PRDM5: variants seen among roughly 807,000 people sequenced by gnomAD.
PRDM5 encodes PR/SET domain 5, also known as PR domain zinc finger protein 5.
A neutral mutation model predicts 81.2 loss-of-function variants in PRDM5; 56 were observed. The observed-to-expected ratio is 0.69, with a 90% CI of 0.56 to 0.86. The LOEUF is 0.86. Among genes scored for constraint, PRDM5 ranks in the 40% least tolerant of loss-of-function variants. The pLI is 0.00. For synonymous variants in PRDM5, 267 were observed against 256.4 expected (o/e 1.04, Z -0.39); for missense variants, 697 against 770.1 (o/e 0.91, Z 1.12).
chr4:120,863,338 T>C (rs1209338522), intron 2 of PRDM5, among the ~76,000 whole-genome samples: 1 of 151,640 alleles, frequency 6.6e-6, no homozygotes, highest in Non-Finnish European at 1.5e-5. Context: ...TCCCTTATGA[T>C]AGGGCTGTAC....
intron 10 of PRDM5, among the ~76,000 whole-genome samples, chr4:120,795,916 A>C (rs1751284062): frequency 6.6e-6 from 1 of 152,198 alleles, no homozygotes; most frequent in East Asian, 1.9e-4. Context: ...CTATTTCAAA[A>C]AATAAAAATA....
intron 13 of PRDM5, among the ~76,000 whole-genome samples, chr4:120,760,874 G>T (rs1415924211): frequency 6.6e-6 from 1 of 151,892 alleles, no homozygotes; most frequent in Admixed American, 6.6e-5. Context: ...ACAAGAAAAA[G>T]TTAAAGAAAA....
At chr4:120,714,874 GCAGAT>G (rs1737524079) in intron 14 of PRDM5, among the ~76,000 whole-genome samples, 1 of 152,118 alleles carries the variant, frequency 6.6e-6, no homozygotes, top group South Asian at 2.1e-4. Context: ...TTCTGGTGAG[GCAGAT>G]ATTGTAAGTC....
chr4:120,841,026 T>G (rs866977293), intron 3 of PRDM5, among the ~76,000 whole-genome samples: 1 of 152,342 alleles, frequency 6.6e-6, no homozygotes, highest in South Asian at 2.1e-4. Flanking sequence ...AACTTATTCC[T>G]CCTATCTTGC....
intron 14 of PRDM5, among the ~76,000 whole-genome samples, chr4:120,741,665 C>T (rs199757565): frequency 6.6e-6 from 1 of 152,034 alleles, no homozygotes; most frequent in Admixed American, 6.5e-5. Context: ...AAAGGGGTGA[C>T]GGACAGCACC....
chr4:120,869,046 AG>A (rs1761508077), intron 2 of PRDM5, among the ~76,000 whole-genome samples: 1 of 152,192 alleles, frequency 6.6e-6, no homozygotes, highest in Non-Finnish European at 1.5e-5. Context: ...TGCAGACAAA[AG>A]AATATACATA....
rs138617263 is a variant in PRDM5 at position 120,907,995 on chromosome 4, A to G, written c.94-438T>C. Among the ~76,000 whole-genome samples, 660 of 152,354 alleles carry G rather than the reference A, an allele frequency of 4.3e-3. 6 individuals carry two copies. The highest frequency in any genetic ancestry group is 0.016 in the African/African-American group (649 of 41,590). On this transcript the variant is annotated intron_variant, in intron 1 of 15. Transcript: ENST00000264808. ...TGGACAAGAAGGACGTGGGCTTGGCATTCTCAGAGGAAGAGTGTTCATAAA... is the reference window on the plus strand; with the variant it reads ...TGGACAAGAAGGACGTGGGCTTGGCGTTCTCAGAGGAAGAGTGTTCATAAA...
chr4:120,688,482 G>A (rs973360993), downstream of PRDM5, among the ~76,000 whole-genome samples: 6 of 152,056 alleles, frequency 3.9e-5, no homozygotes, highest in African/African-American at 1.4e-4. Context: ...TAAGTTTGAT[G>A]TAGTTCCATT....
At chr4:120,805,357 C>A (rs549450920) in intron 8 of PRDM5, among the ~76,000 whole-genome samples, 1 of 152,220 alleles carries the variant, frequency 6.6e-6, no homozygotes, top group South Asian at 2.1e-4. Context: ...TTTGTGAGGC[C>A]AGCATCATCC....
At chr4:120,794,214 G>A (rs1751008530) in intron 10 of PRDM5, among the ~76,000 whole-genome samples, 1 of 152,168 alleles carries the variant, frequency 6.6e-6, no homozygotes, top group African/African-American at 2.4e-5. Context: ...CTCTCCTGCA[G>A]CATCACTGAA....
intron 6 of PRDM5, 46 bp from the exon 7 acceptor site, chr4:120,816,620 A>G: frequency 6.2e-7 from 1 of 1,612,828 alleles, no homozygotes; most frequent in South Asian, 1.1e-5. Context: ...TGGTGAAGAC[A>G]TACCTACAAA....
intron 15 of PRDM5, among the ~76,000 whole-genome samples, chr4:120,705,058 T>G (rs942550533): frequency 6.6e-6 from 1 of 152,142 alleles, no homozygotes; most frequent in Non-Finnish European, 1.5e-5. Flanking sequence ...TAAAGGATTC[T>G]AAATAGAGAC....
In PRDM5 at chr4:120,760,748, C is replaced by CT. The variant is rs1327491496; in HGVS notation, c.1538-6111dup. Among the ~76,000 whole-genome samples, 538 of 144,114 alleles carry CT rather than the reference C, an allele frequency of 3.7e-3. 8 individuals are homozygous for CT. Among genetic ancestry groups the CT allele is most frequent in the East Asian group, 0.017 (86 of 4,942 alleles). 94.5% of individuals were successfully genotyped at this position (144,114 alleles called of 152,430 possible). A position where few individuals can be genotyped will look rare whatever the true frequency, so the allele number is the denominator to read the frequency against. On this transcript the variant is annotated intron_variant, in intron 13 of 15. Transcript: ENST00000264808. ...CTAATGTATTCATTCATTAAATAGA[C>CT]TTTTTTTTTTTTAGCACATACCATC...
chr4:120,883,823 C>T (rs1471970110), intron 2 of PRDM5, among the ~76,000 whole-genome samples: 1 of 152,078 alleles, frequency 6.6e-6, no homozygotes, highest in African/African-American at 2.4e-5. Flanking sequence ...TGAAACTTTG[C>T]ACAAGATATT....
Position 120,822,634 on chromosome 4 carries a change from G to T in PRDM5, c.301-1289C>A, listed in dbSNP as rs1465685878. ...AAATTGTACATACAGTTATTTTGAG[G>T]ATGGGAGAGGGGCTATATTCAACAT... On this transcript the variant is annotated intron_variant, in intron 3 of 15. Coordinates refer to ENST00000264808, the MANE Select transcript of PRDM5 (RefSeq NM_018699.4). 9.2e-5 allele frequency among the ~76,000 whole-genome samples: 14 copies of T among 152,172 alleles called. 1 individual carries two copies. Among genetic ancestry groups the T allele is most frequent in the Admixed American group, 9.2e-4 (14 of 15,284 alleles).
At chr4:120,781,379 T>C (rs532940119) in intron 11 of PRDM5, 76 bp from the exon 12 acceptor site, 6 of 1,355,336 alleles carry the variant, frequency 4.4e-6, no homozygotes, top group African/African-American at 1.4e-5. Context: ...CCAGACTTAG[T>C]TGCTTTCTCC....
At position 120,750,724 on chromosome 4, in the gene PRDM5, A is replaced by G. The variant is rs56658862; in HGVS notation, c.1623+3829T>C. On this transcript the variant is annotated intron_variant, in intron 14 of 15. Coordinates refer to ENST00000264808, the MANE Select transcript of PRDM5 (RefSeq NM_018699.4). The stretch of plus-strand genomic sequence containing the variant: ...CACACACACACACACACACACGCGC[A>G]CACAAAACAGACATTCAATCAAAAA... Among the ~76,000 whole-genome samples the G allele has an allele frequency of 8.9e-3, 1,316 of 147,064 alleles. 20 individuals are homozygous for G. The highest frequency in any genetic ancestry group is 0.032 in the African/African-American group (1,244 of 39,334).
At chr4:120,796,201 A>G (rs1751326211) in intron 10 of PRDM5, among the ~76,000 whole-genome samples, 1 of 152,162 alleles carries the variant, frequency 6.6e-6, no homozygotes, top group East Asian at 1.9e-4. Flanking sequence ...TTGTGATGGA[A>G]GAAAAGGTTG....
chr4:120,737,164 T>C (rs1393343171), intron 14 of PRDM5, among the ~76,000 whole-genome samples: 2 of 152,102 alleles, frequency 1.3e-5, no homozygotes, highest in African/African-American at 4.8e-5. Context: ...CTGGCTTCCT[T>C]CTGTGGCAAG....
Sources: allele counts gnomAD v4.1 joint callset (sites outside exome capture counted in the v4.1 genomes callset), GRCh38; gene constraint gnomAD v4.1.1; transcripts MANE v1.5; gene names NCBI Gene and HGNC (gene_info 2026-07-23, HGNC 2026-07-21).